The following ANKH variants were observed in gnomAD, a reference collection of about 807,000 sequenced individuals.
The protein encoded by ANKH is ANKH inorganic pyrophosphate transport regulator, also known as mineralization regulator ANKH.
In ANKH, 15 loss-of-function variants were observed where a neutral mutation model predicts 49.0. That is an observed-to-expected ratio of 0.31 (90% CI 0.20 to 0.47). The LOEUF (loss-of-function observed/expected upper bound fraction) is 0.47, where lower values mean the gene tolerates loss of function less well. ANKH is among the 20% of genes least tolerant of loss of function. The pLI is 1.00. For synonymous variants in ANKH, 273 were observed against 260.0 expected (o/e 1.05, Z -0.48); for missense variants, 429 against 652.0 (o/e 0.66, Z 3.72).
At chr5:14,768,014 A>AT (rs1373202762) in intron 2 of ANKH, 5 of 152,230 alleles carry the variant, frequency 3.3e-5, no homozygotes, top group Non-Finnish European at 7.3e-5. Context: ...CCATCAGCAG[A>AT]TGCGCTCTCT....
chr5:14,813,224 G>A (rs761453309), intron 1 of ANKH, among the ~76,000 whole-genome samples: 5 of 147,424 alleles, frequency 3.4e-5, no homozygotes, highest in African/African-American at 5.1e-5. Context: ...CTGGGCAATA[G>A]AGAGAAATGG....
intron 1 of ANKH, among the ~76,000 whole-genome samples, chr5:14,852,230 A>C (rs561338579): frequency 1.3e-5 from 2 of 152,336 alleles, no homozygotes; most frequent in African/African-American, 4.8e-5. Context: ...TGCAGTGAGC[A>C]GTGATTGTGC....
At chr5:14,718,559 C>A (rs1346309654) in intron 8 of ANKH, among the ~76,000 whole-genome samples, 1 of 152,124 alleles carries the variant, frequency 6.6e-6, no homozygotes, top group Non-Finnish European at 1.5e-5. Flanking sequence ...GGCTGTAATC[C>A]CAGCAGTTTG....
At chr5:14,726,308 C>T (rs993028361) in intron 8 of ANKH, among the ~76,000 whole-genome samples, 7 of 152,086 alleles carry the variant, frequency 4.6e-5, no homozygotes, top group African/African-American at 9.7e-5. Flanking sequence ...GCTGCATGCA[C>T]GTAAGGAAGG....
chr5:14,792,377 G>A (rs903664700), intron 1 of ANKH, among the ~76,000 whole-genome samples: 2 of 152,204 alleles, frequency 1.3e-5, no homozygotes, highest in African/African-American at 4.8e-5. Context: ...CAGAGTGGCA[G>A]GGAAGAGGTG....
chr5:14,853,235 C>T (rs1742165389), intron 1 of ANKH, among the ~76,000 whole-genome samples: 1 of 152,174 alleles, frequency 6.6e-6, no homozygotes, highest in South Asian at 2.1e-4. Context: ...GTATAGTTGT[C>T]TACTCCTCCT....
intron 1 of ANKH, among the ~76,000 whole-genome samples, chr5:14,800,727 CTT>C (rs901835855): frequency 2.1e-4 from 29 of 135,212 alleles, no homozygotes; most frequent in Non-Finnish European, 3.0e-4. Context: ...CATTTTTTTT[CTT>C]TTTTTTTTTT....
intron 8 of ANKH, among the ~76,000 whole-genome samples, chr5:14,734,241 C>A (rs1260189479): frequency 6.6e-6 from 1 of 150,816 alleles, no homozygotes; most frequent in African/African-American, 2.4e-5. Flanking sequence ...TCATTTTTCC[C>A]CCCAAACCAC....
intron 1 of ANKH, chr5:14,870,497 T>G (rs10073421): frequency 0.4 from 60,599 of 152,164 alleles, 12,832 homozygotes; most frequent in Middle Eastern, 0.54. Context: ...CTCTGGCCAC[T>G]TGGGACACCT....
At chr5:14,746,422 CTCAG>C (rs1738545308) in intron 6 of ANKH, among the ~76,000 whole-genome samples, 1 of 151,742 alleles carries the variant, frequency 6.6e-6, no homozygotes, top group South Asian at 2.1e-4. Flanking sequence ...TCTTCTTGTG[CTCAG>C]TCAGTTCCTG....
intron 8 of ANKH, among the ~76,000 whole-genome samples, chr5:14,732,025 G>A (rs1398064286): frequency 2.6e-5 from 4 of 152,156 alleles, no homozygotes; most frequent in Admixed American, 6.5e-5. Context: ...GTGGACACGC[G>A]GGTGTTCTTT....
chr5:14,800,936 G>A (rs1580079112), intron 1 of ANKH, among the ~76,000 whole-genome samples: 2 of 151,724 alleles, frequency 1.3e-5, no homozygotes, highest in Admixed American at 1.3e-4. Context: ...ATGATGCCCA[G>A]GCTGATCTCA....
intron 8 of ANKH, among the ~76,000 whole-genome samples, chr5:14,728,715 G>A (rs1295034665): frequency 1.3e-5 from 2 of 152,188 alleles, no homozygotes; most frequent in Non-Finnish European, 2.9e-5. Context: ...TCTCATGAAC[G>A]GAATTTCTAA....
intron 1 of ANKH, among the ~76,000 whole-genome samples, chr5:14,781,422 A>G (rs1405848539): frequency 6.6e-6 from 1 of 152,236 alleles, no homozygotes; most frequent in African/African-American, 2.4e-5. Flanking sequence ...TGGTGTTTTC[A>G]GTCACCTCCC....
chr5:14,740,167 G>A (rs1217659668), intron 8 of ANKH, among the ~76,000 whole-genome samples: 2 of 152,132 alleles, frequency 1.3e-5, no homozygotes, highest in African/African-American at 2.4e-5. Context: ...CAGAGCCAGC[G>A]GCAGCCAGGC....
Position 14,756,023 on chromosome 5 carries a change from T to C in ANKH, c.433-79A>G, listed in dbSNP as rs1344161400. Reference sequence around the variant, plus strand: ...TCTGGTTGTTGAGATTTACTGGGCATTCCTGAAATACACTTTATACCCCCT... The same window carrying C: ...TCTGGTTGTTGAGATTTACTGGGCACTCCTGAAATACACTTTATACCCCCT... On this transcript the variant is annotated intron_variant, in intron 3 of 11. Transcript: ENST00000284268. The C allele has an allele frequency of 6.4e-6, 8 of 1,241,598 alleles. No individual in the cohort carries two copies. The African/African-American group carries it at 1.2e-4, about 18-fold the overall frequency. The allele number at this position is 1,241,598 out of a possible 1,614,324, so 76.9% of individuals were successfully genotyped here. A position where few individuals can be genotyped will look rare whatever the true frequency, so the allele number is the denominator to read the frequency against.
intron 1 of ANKH, among the ~76,000 whole-genome samples, chr5:14,784,598 A>G (rs571110516): frequency 5.9e-5 from 9 of 152,310 alleles, no homozygotes; most frequent in Non-Finnish European, 1.3e-4. Flanking sequence ...CCTCATAAAG[A>G]ACGTAAGTCA....
intron 4 of ANKH, among the ~76,000 whole-genome samples, 191 bp from the exon 5 acceptor site, chr5:14,751,430 C>T (rs1242996901): frequency 6.6e-6 from 1 of 152,210 alleles, no homozygotes; most frequent in Non-Finnish European, 1.5e-5. Context: ...GTTTGGGATT[C>T]ACTGGAGGAA....
At chr5:14,862,597 TGAG>T (rs1735529571) in intron 1 of ANKH, among the ~76,000 whole-genome samples, 1 of 152,206 alleles carries the variant, frequency 6.6e-6, no homozygotes, top group African/African-American at 2.4e-5. Context: ...AACATCCAGA[TGAG>T]AACTATGTCC....
Sources: allele counts gnomAD v4.1 joint callset (sites outside exome capture counted in the v4.1 genomes callset), GRCh38; gene constraint gnomAD v4.1.1; transcripts MANE v1.5; gene names NCBI Gene and HGNC (gene_info 2026-07-23, HGNC 2026-07-21).